PECR: variants seen among roughly 807,000 people sequenced by gnomAD.
PECR encodes 2,4-dienoyl-CoA reductase-related protein.
A neutral mutation model predicts 35.3 loss-of-function variants in PECR; 30 were observed. The ratio of observed to expected loss-of-function variants is 0.85; its 90% CI spans 0.64 to 1.15. PECR has a LOEUF of 1.15. PECR is among the 50% of genes most tolerant of loss of function. The pLI, the probability that PECR is intolerant of heterozygous loss-of-function variation, is 0.00. For missense variants in PECR, 392 were observed against 370.8 expected (o/e 1.06, Z -0.47); for synonymous variants, 148 against 138.9 (o/e 1.07, Z -0.46).
At chr2:216,035,314 G>T (rs1017240110), downstream of PECR, among the ~76,000 whole-genome samples, 6 of 152,092 alleles carry the variant, frequency 3.9e-5, no homozygotes, top group Admixed American at 1.3e-4. Context: ...TTGCATCAGA[G>T]GCCTCTGGTA....
At chr2:216,033,032 G>C (rs1361863525) in intron 7 of PECR, 1 of 152,120 alleles carries the variant, frequency 6.6e-6, no homozygotes, top group Non-Finnish European at 1.5e-5. Context: ...AATTCATGAG[G>C]CCATTTTCAT....
downstream of PECR, among the ~76,000 whole-genome samples, chr2:216,034,775 C>T (rs373574566): frequency 6.6e-6 from 1 of 152,220 alleles, no homozygotes; most frequent in African/African-American, 2.4e-5. Context: ...GTGTCATTTC[C>T]GCCTCCCACG....
chr2:216,031,112 A>G (rs1694681912), intron 7 of PECR, among the ~76,000 whole-genome samples: 1 of 152,132 alleles, frequency 6.6e-6, no homozygotes, highest in South Asian at 2.1e-4. Flanking sequence ...AACGCGTTAG[A>G]AAGAGTTGCA....
intron 1 of PECR, 101 bp from the exon 2 acceptor site, chr2:216,066,619 C>A (rs1025752427): frequency 6.0e-6 from 6 of 1,003,074 alleles, no homozygotes; most frequent in Non-Finnish European, 9.6e-6. Flanking sequence ...AATAAATATG[C>A]CTTCATGAGT....
chr2:216,076,665 T>C (rs578195231), intron 1 of PECR, among the ~76,000 whole-genome samples: 2 of 151,970 alleles, frequency 1.3e-5, no homozygotes, highest in African/African-American at 4.8e-5. Flanking sequence ...CCAGGCATGG[T>C]GGCACACACC....
At chr2:216,051,358 C>T in intron 5 of PECR, 91 bp downstream of exon 5, 2 of 710,994 alleles carry the variant, frequency 2.8e-6, no homozygotes, top group Admixed American at 3.6e-5. Context: ...TTATGCTATA[C>T]TTGCTTATTA....
intron 1 of PECR, among the ~76,000 whole-genome samples, chr2:216,068,207 C>A (rs1695506281): frequency 9.4e-6 from 1 of 106,698 alleles, no homozygotes; most frequent in South Asian, 3.3e-4. Context: ...GCCTGAGTGA[C>A]AGAGCAAGAC....
At position 216,049,356 on chromosome 2, in the gene PECR, C is replaced by G; in HGVS notation, c.621G>C (p.Gln207His). The G allele has an allele frequency of 6.5e-7, 1 of 1,545,112 alleles. No individual in the cohort carries two copies. Among genetic ancestry groups the G allele is most frequent in the Non-Finnish European group, 9.0e-7 (1 of 1,117,132 alleles). ...AGGAACCATAGTTCTCCACAGCAGT[C>G]TGGGAATAAATAACTCCCTGTGTTT... ...NCVAPGVIYS[Q>H]TAVENYGSWG... The change falls in exon 6 of 8, where the codon CAG becomes CAC. Residue 207 changes from glutamine (Q) to histidine (H), a missense_variant. By Grantham distance (24) the Gln-to-His change is conservative (BLOSUM62 0). Transcript: ENST00000265322.
chr2:216,049,211 T>C, intron 6 of PECR, 52 bp downstream of exon 6: 1 of 910,890 alleles, frequency 1.1e-6, no homozygotes, highest in Non-Finnish European at 1.9e-6. Context: ...GAATTACAAA[T>C]TCCAAAGTAT....
At chr2:216,078,271 T>C (rs1157299104) in intron 1 of PECR, among the ~76,000 whole-genome samples, 2 of 151,992 alleles carry the variant, frequency 1.3e-5, no homozygotes, top group African/African-American at 4.8e-5. Context: ...AAACCCCATC[T>C]CTAGTAAAAA....
chr2:216,067,115 C>T (rs1488178700), intron 1 of PECR, among the ~76,000 whole-genome samples: 2 of 152,080 alleles, frequency 1.3e-5, no homozygotes, highest in Non-Finnish European at 2.9e-5. Flanking sequence ...GAGGGGAACA[C>T]ATTCAGAGAC....
intron 1 of PECR, among the ~76,000 whole-genome samples, chr2:216,077,105 G>C (rs2105970725): frequency 6.6e-6 from 1 of 151,992 alleles, no homozygotes; most frequent in African/African-American, 2.4e-5. Context: ...CTATATGTTG[G>C]TCAGGCTGAT....
At chr2:216,059,061 G>C (rs1344504931) in intron 3 of PECR, 85 bp from the exon 4 acceptor site, 1 of 821,540 alleles carries the variant, frequency 1.2e-6, no homozygotes. Flanking sequence ...CTGCCTGTTT[G>C]ATATGTTTTA....
chr2:216,052,217 A>G (rs1386729364), intron 4 of PECR, among the ~76,000 whole-genome samples: 1 of 152,160 alleles, frequency 6.6e-6, no homozygotes, highest in Non-Finnish European at 1.5e-5. Flanking sequence ...TCTTGTGTAG[A>G]TAGACACCAT....
At position 216,039,077 on chromosome 2, in the gene PECR, T is replaced by A. The variant is rs983352035; in HGVS notation, c.*198A>T. The A allele has an allele frequency of 1.8e-5, 8 of 453,424 alleles. No individual in the cohort carries two copies. Among genetic ancestry groups the A allele is most frequent in the African/African-American group, 1.6e-4 (8 of 51,002 alleles). 28.1% of individuals were successfully genotyped at this position (453,424 alleles called of 1,614,324 possible). A position where few individuals can be genotyped will look rare whatever the true frequency, so the allele number is the denominator to read the frequency against. On this transcript the variant is annotated 3_prime_UTR_variant, in exon 8 of 8. Coordinates refer to ENST00000265322, the MANE Select transcript of PECR (RefSeq NM_018441.6). Reference sequence around the variant, plus strand: ...TTAATTTCTGTTACTTATACATTTTTAAATCATAGGTTAAAAGACTCTGAT... The same window carrying A: ...TTAATTTCTGTTACTTATACATTTTAAAATCATAGGTTAAAAGACTCTGAT...
At chr2:216,043,020 CATACGTAT>C (rs1694920125) in intron 7 of PECR, among the ~76,000 whole-genome samples, 1 of 138,716 alleles carries the variant, frequency 7.2e-6, no homozygotes, top group East Asian at 2.0e-4. Flanking sequence ...TATATATACA[CATACGTAT>C]ATATGTATGT....
intron 1 of PECR, among the ~76,000 whole-genome samples, chr2:216,068,798 T>C (rs1057046235): frequency 1.5e-5 from 2 of 135,980 alleles, no homozygotes; most frequent in African/African-American, 5.4e-5. Context: ...CCACCATATC[T>C]GGCCAATTTT....
chr2:216,049,331 A>G lies in PECR; in HGVS notation c.646T>C (p.Trp216Arg), dbSNP rs1291206968. ...SQTAVENYGS[W>R]GQSFFEGSFQ... is the part of the protein sequence containing the mutation. ...GACCCTTCAAAGAAGCTTTGTCCCCAGGAACCATAGTTCTCCACAGCAGTC... is the reference window on the plus strand; with the variant it reads ...GACCCTTCAAAGAAGCTTTGTCCCCGGGAACCATAGTTCTCCACAGCAGTC... The change falls in exon 6 of 8, where the codon TGG becomes CGG. Residue 216 changes from tryptophan to arginine, a missense_variant. Trp to Arg is a moderately radical substitution (Grantham distance 101, BLOSUM62 -3). Transcript: ENST00000265322. 3 of 1,600,296 alleles carry G rather than the reference A, an allele frequency of 1.9e-6. No individual in the cohort carries two copies. Among genetic ancestry groups the G allele is most frequent in the African/African-American group, 1.3e-5 (1 of 74,770 alleles).
At chr2:216,081,095 AG>A (rs1302453633) in intron 1 of PECR, among the ~76,000 whole-genome samples, 1 of 152,202 alleles carries the variant, frequency 6.6e-6, no homozygotes, top group Non-Finnish European at 1.5e-5. Flanking sequence ...TCATACAGGT[AG>A]ATTGATTTAT....
Sources: gnomAD v4.1 joint callset for allele counts (sites outside exome capture counted in the v4.1 genomes callset) on GRCh38, gnomAD v4.1.1 for gene constraint, MANE v1.5 for transcripts, NCBI Gene and HGNC (gene_info 2026-07-23, HGNC 2026-07-21) for gene names.